Variants in TCERG1L observed in about 807,000 individuals in gnomAD.
TCERG1L encodes transcription elongation regulator 1 like.
Under a neutral mutation model 56.3 loss-of-function variants are expected in TCERG1L, and 37 were observed. The observed-to-expected ratio is 0.66, with a 90% CI of 0.51 to 0.87. TCERG1L has a LOEUF of 0.87. Among genes scored for constraint, TCERG1L ranks in the 40% least tolerant of loss-of-function variants. TCERG1L has a pLI of 0.00. For missense variants in TCERG1L, 799 were observed against 774.2 expected (o/e 1.03, Z -0.38); for synonymous variants, 324 against 326.3 (o/e 0.99, Z 0.08).
intron 3 of TCERG1L, among the ~76,000 whole-genome samples, chr10:131,279,845 C>T (rs1175392754): frequency 6.6e-6 from 1 of 152,050 alleles, no homozygotes; most frequent in African/African-American, 2.4e-5. Context: ...ACCCATAGCT[C>T]CTCACTCTGC....
intron 6 of TCERG1L, chr10:131,162,197 T>C (rs1293255773): frequency 6.6e-6 from 1 of 152,182 alleles, no homozygotes; most frequent in African/African-American, 2.4e-5. Flanking sequence ...GGTTGGAGAA[T>C]GGGTGGCTGG....
intron 7 of TCERG1L, among the ~76,000 whole-genome samples, chr10:131,138,561 T>C (rs969513731): frequency 6.6e-6 from 1 of 152,200 alleles, no homozygotes; most frequent in Admixed American, 6.5e-5. Context: ...GTAGGGCCAA[T>C]TCATCTGATA....
At chr10:131,130,916 G>A (rs757843559) in intron 8 of TCERG1L, among the ~76,000 whole-genome samples, 11 of 151,938 alleles carry the variant, frequency 7.2e-5, no homozygotes, top group Non-Finnish European at 1.3e-4. Flanking sequence ...TCAACCCCCC[G>A]GCAAACCCTA....
Position 131,128,957 on chromosome 10 carries a change from C to T in TCERG1L, c.1259+5422G>A, listed in dbSNP as rs148960276. ...ACCAAAAATACAGGGGACAGAAGAA[C>T]AAGCCCCTAAACCATGCCCCAGGCA... is the stretch of plus-strand genomic sequence containing the variant. On this transcript the variant is annotated intron_variant, in intron 8 of 11. Coordinates refer to ENST00000368642, the MANE Select transcript of TCERG1L (RefSeq NM_174937.4). Among the ~76,000 whole-genome samples the T allele has an allele frequency of 9.1e-3, 1,392 of 152,298 alleles. 4 individuals are homozygous for T. The highest frequency in any genetic ancestry group is 0.013 in the Non-Finnish European group (917 of 68,026).
At chr10:131,123,009 C>G (rs912581424) in intron 8 of TCERG1L, among the ~76,000 whole-genome samples, 1 of 152,216 alleles carries the variant, frequency 6.6e-6, no homozygotes, top group Non-Finnish European at 1.5e-5. Flanking sequence ...CAACCTGCCT[C>G]GTTTCTCTGA....
intron 6 of TCERG1L, among the ~76,000 whole-genome samples, chr10:131,153,626 C>A (rs1739584816): frequency 6.6e-6 from 1 of 152,194 alleles, no homozygotes; most frequent in Non-Finnish European, 1.5e-5. Flanking sequence ...CCTAGGCCAG[C>A]ATTTGTTGTA....
chr10:131,252,980 AC>A (rs1409106495), intron 4 of TCERG1L, among the ~76,000 whole-genome samples: 1 of 151,428 alleles, frequency 6.6e-6, no homozygotes, highest in South Asian at 2.1e-4. Flanking sequence ...GACCACAGGG[AC>A]CCCCGGGGAT....
At chr10:131,257,464 T>C (rs1403418170) in intron 4 of TCERG1L, among the ~76,000 whole-genome samples, 1 of 152,252 alleles carries the variant, frequency 6.6e-6, no homozygotes, top group Non-Finnish European at 1.5e-5. Context: ...ACAATCTTTA[T>C]GACTGTGGAC....
At chr10:131,175,954 T>G (rs1347989959) in intron 4 of TCERG1L, among the ~76,000 whole-genome samples, 1 of 152,190 alleles carries the variant, frequency 6.6e-6, no homozygotes. Flanking sequence ...AAACTTTTTT[T>G]CAAAGCTTAA....
intron 3 of TCERG1L, among the ~76,000 whole-genome samples, chr10:131,298,148 C>CT (rs34480535): frequency 0.78 from 114,404 of 145,778 alleles, 45,721 homozygotes; most frequent in East Asian, 0.87. Context: ...TGAGGTATTT[C>CT]TTTTTTTTTT....
chr10:131,240,056 G>A (rs1314969966), intron 4 of TCERG1L, among the ~76,000 whole-genome samples: 7 of 152,102 alleles, frequency 4.6e-5, no homozygotes, highest in East Asian at 1.9e-4. Context: ...CCTGGACCCC[G>A]CTGACTGTGC....
intron 6 of TCERG1L, among the ~76,000 whole-genome samples, chr10:131,150,561 G>T (rs1405312888): frequency 6.6e-6 from 1 of 152,212 alleles, no homozygotes; most frequent in African/African-American, 2.4e-5. Context: ...ACACCCAGGG[G>T]TGAGCCCTGA....
intron 8 of TCERG1L, among the ~76,000 whole-genome samples, chr10:131,124,333 C>T (rs1449725485): frequency 6.6e-6 from 1 of 152,186 alleles, no homozygotes; most frequent in Non-Finnish European, 1.5e-5. Flanking sequence ...CTCTAGCCTT[C>T]CTCTCATACC....
chr10:131,146,768 T>C, intron 6 of TCERG1L, 108 bp from the exon 7 acceptor site: 1 of 1,289,392 alleles, frequency 7.8e-7, no homozygotes, highest in Non-Finnish European at 1.1e-6. Flanking sequence ...AATCCACACA[T>C]TTGCAAAGCT....
At chr10:131,100,563 T>TA (rs1341862255) in intron 10 of TCERG1L, among the ~76,000 whole-genome samples, 1 of 152,232 alleles carries the variant, frequency 6.6e-6, no homozygotes, top group African/African-American at 2.4e-5. Context: ...CTGGCTGTTA[T>TA]ATCATTGCTG....
intron 3 of TCERG1L, among the ~76,000 whole-genome samples, chr10:131,266,575 G>A (rs1469877196): frequency 2.6e-5 from 4 of 152,318 alleles, no homozygotes; most frequent in Admixed American, 2.0e-4. Context: ...GACAAGTGGA[G>A]GGTGAGCAAG....
At chr10:131,301,762 A>T (rs1846763572) in intron 3 of TCERG1L, among the ~76,000 whole-genome samples, 1 of 152,120 alleles carries the variant, frequency 6.6e-6, no homozygotes, top group African/African-American at 2.4e-5. Context: ...TAAAATGTGA[A>T]TGTCACCCAC....
Position 131,093,331 on chromosome 10 carries a change from G to A in TCERG1L, c.1605-13C>T. ...CTTAAACGTGGTCCTGAAAAAGAAAGAGTTTCCTGAGACACCTTCCAGAGA... is the reference window on the plus strand; with the variant it reads ...CTTAAACGTGGTCCTGAAAAAGAAAAAGTTTCCTGAGACACCTTCCAGAGA... On this transcript the variant is annotated splice_polypyrimidine_tract_variant and intron_variant, in intron 11 of 11. Transcript: ENST00000368642. 1.9e-6 allele frequency: 3 copies of A among 1,589,396 alleles called. No homozygotes were observed. Among genetic ancestry groups the A allele is most frequent in the Non-Finnish European group, 2.6e-6 (3 of 1,163,506 alleles).
chr10:131,101,994 G>A (rs1564791856), intron 10 of TCERG1L, among the ~76,000 whole-genome samples: 1 of 152,146 alleles, frequency 6.6e-6, no homozygotes, highest in Non-Finnish European at 1.5e-5. Context: ...GAGCCATCAT[G>A]CCCAGCCCAT....
Sources: allele counts gnomAD v4.1 joint callset (sites outside exome capture counted in the v4.1 genomes callset), GRCh38; gene constraint gnomAD v4.1.1; transcripts MANE v1.5; gene names NCBI Gene and HGNC (gene_info 2026-07-23, HGNC 2026-07-21).